The following TASOR2 variants were observed in gnomAD, a reference collection of about 807,000 sequenced individuals.
The protein encoded by TASOR2 is transcription activation suppressor family member 2.
A neutral mutation model predicts 199.5 loss-of-function variants in TASOR2; 84 were observed. That is an observed-to-expected ratio of 0.42 (90% CI 0.35 to 0.50). The LOEUF (loss-of-function observed/expected upper bound fraction) is 0.50, where lower values mean the gene tolerates loss of function less well. Ranked by LOEUF, TASOR2 falls within the 20% of genes least tolerant of loss-of-function variation. TASOR2 has a pLI of 0.02. For synonymous variants in TASOR2, 1,103 were observed against 1,046.6 expected (o/e 1.05, Z -1.04); for missense variants, 2,796 against 2,835.9 (o/e 0.99, Z 0.32).
rs1838592994 is a variant in TASOR2, at chr10:5,706,281, T to C, written c.-287-6542T>C. ...ATTCTCAAAATCAGGTAGTGAGTCCTTCAGCTTTGTTCTTTTTCAAAATTG... is the reference window on the plus strand; with the variant it reads ...ATTCTCAAAATCAGGTAGTGAGTCCCTCAGCTTTGTTCTTTTTCAAAATTG... On this transcript the variant is annotated intron_variant, in intron 1 of 20. Transcript: ENST00000328090. The surrounding 1 kb of genome is among the most constrained non-coding windows in gnomAD (Gnocchi z 4.8). 6.6e-6 allele frequency among the ~76,000 whole-genome samples: 1 copy of C among 152,230 alleles called. No individual in the cohort carries two copies. Among genetic ancestry groups the C allele is most frequent in the East Asian group, 1.9e-4 (1 of 5,202 alleles).
At chr10:5,761,349 T>A in exon 19 of TASOR2, 1 of 1,614,004 alleles carries the variant, frequency 6.2e-7, no homozygotes, top group Non-Finnish European at 8.5e-7. Context: ...AGTGCAAATA[T>A]CATTGAATTG....
At chr10:5,747,903 C>A (rs756554062) in exon 15 of TASOR2, 3 of 1,613,620 alleles carry the variant, frequency 1.9e-6, no homozygotes, top group Non-Finnish European at 2.5e-6. Flanking sequence ...GTAGACCAAC[C>A]CTTCCTGGTA....
rs1336892137 is a variant in TASOR2, at chr10:5,699,391, T to G, written c.-287-13432T>G. 6.6e-6 allele frequency: 1 copy of G among 152,098 alleles called. No individual in the cohort carries two copies. The highest frequency in any genetic ancestry group is 1.5e-5 in the Non-Finnish European group (1 of 67,978). The allele number at this position is 152,098 out of a possible 1,614,324, so 9.4% of individuals were successfully genotyped here. On this transcript the variant is annotated intron_variant, in intron 1 of 20. Transcript: ENST00000328090. The surrounding 1 kb of genome is among the most constrained non-coding windows in gnomAD (Gnocchi z 4.1). The stretch of plus-strand genomic sequence containing the variant: ...GGGGATAATGAAAATACTCTAAAAT[T>G]GATTGTGGTGAAGGTTGCACAATTC...
intron 1 of TASOR2, among the ~76,000 whole-genome samples, chr10:5,686,831 C>T (rs532128514): frequency 1.7e-3 from 258 of 152,286 alleles, no homozygotes; most frequent in African/African-American, 5.9e-3. Context: ...TCTTTTCTTT[C>T]GCCCATGTAA....
chr10:5,692,824 C>G (rs1193127343), intron 1 of TASOR2: 2 of 152,258 alleles, frequency 1.3e-5, no homozygotes, highest in African/African-American at 2.4e-5. Flanking sequence ...GCGCGGAGTT[C>G]CCCGCTCTGG....
intron 10 of TASOR2, among the ~76,000 whole-genome samples, chr10:5,729,771 AAATTTT>A (rs150302115): frequency 0.086 from 13,001 of 152,050 alleles, 1,341 homozygotes; most frequent in East Asian, 0.43. Context: ...GACAACTCTG[AAATTTT>A]ATAGGATTTT....
exon 8 of TASOR2, chr10:5,724,473 G>A: frequency 2.0e-6 from 3 of 1,536,666 alleles, no homozygotes; most frequent in Non-Finnish European, 8.7e-7. Flanking sequence ...AGGTAGAACT[G>A]TCAAACAGAC....
chr10:5,709,700 T>G, intron 1 of TASOR2: 1 of 1,222,280 alleles, frequency 8.2e-7, no homozygotes, highest in Non-Finnish European at 1.0e-6. Flanking sequence ...TCATAACTAA[T>G]GAATCCAGAA....
chr10:5,702,658 TTTTGG>T (rs1838030399), intron 1 of TASOR2, among the ~76,000 whole-genome samples: 3 of 101,032 alleles, frequency 3.0e-5, no homozygotes, highest in African/African-American at 1.5e-4. Flanking sequence ...TTTTTTTTTT[TTTTGG>T]TAAGTAAGGA....
chr10:5,723,797 C>T lies in TASOR2; in HGVS notation c.247+20C>T, dbSNP rs750230967. On this transcript the variant is annotated intron_variant, in intron 7 of 20. Coordinates refer to ENST00000328090, the Ensembl canonical transcript of TASOR2. ...AGAAAGGTCTGTTGAAATGTAATAA[C>T]ACGCTACTTGTCCTGGGCTTTGTTC... is the stretch of plus-strand genomic sequence containing the variant. 4 of 1,498,156 alleles carry T rather than the reference C, an allele frequency of 2.7e-6. 1 individual carries two copies. The South Asian group carries it at 4.7e-5, about 18-fold the overall frequency. 92.8% of individuals were successfully genotyped at this position (1,498,156 alleles called of 1,614,324 possible).
chr10:5,688,536 T>C (rs535362973), intron 1 of TASOR2, among the ~76,000 whole-genome samples: 138 of 151,958 alleles, frequency 9.1e-4, no homozygotes, highest in African/African-American at 3.1e-3. Context: ...TAACAATTTG[T>C]TAAACGTTAG....
rs968559250 is a variant in TASOR2 at position 5,701,418 on chromosome 10, C to T, written c.-287-11405C>T. ...GATGCCTCCAGCTTTGTTGTTTTTG[C>T]TTAGTATTGGTTTGGCTATTCAGGA... On this transcript the variant is annotated intron_variant, in intron 1 of 20. Transcript: ENST00000328090. This position sits in a 1 kb window ranked among gnomAD's most constrained non-coding sequence, Gnocchi z 4.9. 8.5e-5 allele frequency among the ~76,000 whole-genome samples: 13 copies of T among 152,108 alleles called. 1 individual carries two copies. Among genetic ancestry groups the T allele is most frequent in the Admixed American group, 2.6e-4 (4 of 15,288 alleles).
At chr10:5,714,158 A>G (rs1832296532) in intron 2 of TASOR2, 1 of 1,231,776 alleles carries the variant, frequency 8.1e-7, no homozygotes, top group Non-Finnish European at 1.0e-6. Flanking sequence ...GTCAGTGTGG[A>G]CTCCGTGTTG....
rs1321187839 is a variant in TASOR2 at position 5,692,739 on chromosome 10, C to T, written c.-288+7564C>T. 3.3e-5 allele frequency: 5 copies of T among 151,842 alleles called. No homozygotes were observed. The South Asian group carries it at 6.2e-4, about 19-fold the overall frequency. 9.4% of individuals were successfully genotyped at this position (151,842 alleles called of 1,614,324 possible). A position where few individuals can be genotyped will look rare whatever the true frequency, so the allele number is the denominator to read the frequency against. ...CAGGGCCATGCCCCTGGGCTCCGCT[C>T]GCGGAGCCGGCGTCGCCCTTGTTGA... On this transcript the variant is annotated intron_variant, in intron 1 of 20. Coordinates refer to ENST00000328090, the Ensembl canonical transcript of TASOR2.
At chr10:5,761,608 GC>G in intron 19 of TASOR2, 137 bp downstream of exon 20, 1 of 676,216 alleles carries the variant, frequency 1.5e-6, no homozygotes, top group East Asian at 2.6e-5. Flanking sequence ...ACCCAAATCT[GC>G]TGAAGCTGAA....
intron 1 of TASOR2, among the ~76,000 whole-genome samples, chr10:5,686,822 C>A (rs902841944): frequency 3.3e-5 from 5 of 152,176 alleles, no homozygotes; most frequent in African/African-American, 9.7e-5. Flanking sequence ...TCTGAGCTCT[C>A]TTTTCTTTCG....
chr10:5,762,526 T>TA lies in TASOR2; in HGVS notation c.7175-4dup. The TA allele has an allele frequency of 2.9e-6, 2 of 699,658 alleles. No homozygotes were observed. Among genetic ancestry groups the TA allele is most frequent in the Non-Finnish European group, 2.2e-6 (1 of 449,622 alleles). The allele number at this position is 699,658 out of a possible 1,614,324, so 43.3% of individuals were successfully genotyped here. A position where few individuals can be genotyped will look rare whatever the true frequency, so the allele number is the denominator to read the frequency against. On this transcript the variant is annotated splice_region_variant and splice_polypyrimidine_tract_variant and intron_variant, in intron 19 of 20. Transcript: ENST00000328090. ...ACCAAAAGTTGTTTTTTTTTTTTTT[T>TA]AACAGACAAGCCTACTATCCCCAGA...
chr10:5,694,266 A>G (rs953852708), intron 1 of TASOR2, among the ~76,000 whole-genome samples: 2 of 152,204 alleles, frequency 1.3e-5, no homozygotes, highest in African/African-American at 4.8e-5. Flanking sequence ...GTCCATGGCC[A>G]GGAGGGTGTG....
rs967418620 is a variant in TASOR2, at chr10:5,752,511, C to T, written c.6606+2484C>T. On this transcript the variant is annotated intron_variant, in intron 15 of 20. Coordinates refer to ENST00000328090, the Ensembl canonical transcript of TASOR2. This position sits in a 1 kb window ranked among gnomAD's most constrained non-coding sequence, Gnocchi z 4.4. ...CTGGGTCTGTCTCAGACTTCACTTACATCACTTCTGCTGATTTCCTGCGCT... is the reference window on the plus strand; with the variant it reads ...CTGGGTCTGTCTCAGACTTCACTTATATCACTTCTGCTGATTTCCTGCGCT... Among the ~76,000 whole-genome samples the T allele has an allele frequency of 1.1e-4, 16 of 152,212 alleles. No homozygotes were observed. Among genetic ancestry groups the T allele is most frequent in the African/African-American group, 2.4e-4 (10 of 41,454 alleles).
Sources: gnomAD v4.1 joint callset for allele counts (sites outside exome capture counted in the v4.1 genomes callset) on GRCh38, gnomAD v4.1.1 for gene constraint, Gnocchi (gnomAD v3.1) non-coding constraint, MANE v1.5 for transcripts, NCBI Gene and HGNC (gene_info 2026-07-23, HGNC 2026-07-21) for gene names.